The following SNCAIP variants were observed in gnomAD, a reference collection of about 807,000 sequenced individuals.
SNCAIP encodes synuclein alpha interacting protein.
SNCAIP carries 43 observed loss-of-function variants against 86.7 expected under a neutral mutation model. The ratio of observed to expected loss-of-function variants is 0.50; its 90% CI spans 0.39 to 0.64. The LOEUF is 0.64. Ranked by LOEUF, SNCAIP falls within the 30% of genes least tolerant of loss-of-function variation. SNCAIP has a pLI of 0.00. For missense variants in SNCAIP, 981 were observed against 1,103.1 expected, an observed-to-expected ratio of 0.89 and a Z score of 1.57; for synonymous variants, 417 against 427.2, an observed-to-expected ratio of 0.98 and a Z score of 0.29.
chr5:122,429,556 C>T (rs559188438), intron 5 of SNCAIP, among the ~76,000 whole-genome samples: 1 of 151,538 alleles, frequency 6.6e-6, no homozygotes, highest in Non-Finnish European at 1.5e-5. Flanking sequence ...TTGCTTAAAC[C>T]GTCTTGCCTA....
At chr5:122,321,729 G>C (rs1007623681) in intron 1 of SNCAIP, 6 of 152,178 alleles carry the variant, frequency 3.9e-5, no homozygotes, top group African/African-American at 9.7e-5. Flanking sequence ...CCCCATCGCA[G>C]GGGCTCCTGT....
intron 1 of SNCAIP, among the ~76,000 whole-genome samples, chr5:122,383,986 C>A (rs1361702498): frequency 6.6e-6 from 1 of 152,182 alleles, no homozygotes; most frequent in Admixed American, 6.5e-5. Flanking sequence ...AGTCTATACA[C>A]GTTTTGTTAA....
chr5:122,448,604 TATATATATTTTTATATATATA>T (rs1561796137), intron 8 of SNCAIP, among the ~76,000 whole-genome samples: 3 of 140,732 alleles, frequency 2.1e-5, no homozygotes, highest in Non-Finnish European at 4.6e-5. Flanking sequence ...TTATATATAT[TATATATATTTTTATATATATA>T]ATATATATTA....
intron 6 of SNCAIP, among the ~76,000 whole-genome samples, chr5:122,433,597 G>C (rs1362673397): frequency 6.6e-6 from 1 of 152,122 alleles, no homozygotes; most frequent in East Asian, 1.9e-4. Flanking sequence ...AATGGAGAAA[G>C]GAGCAGGCCC....
chr5:122,428,710 A>G (rs539798727), intron 5 of SNCAIP, among the ~76,000 whole-genome samples: 124 of 152,110 alleles, frequency 8.2e-4, no homozygotes, highest in African/African-American at 2.6e-3. Flanking sequence ...CGTCATTTAC[A>G]TTAGGTATTT....
chr5:122,394,635 A>G (rs1385766544), intron 2 of SNCAIP, among the ~76,000 whole-genome samples: 1 of 152,170 alleles, frequency 6.6e-6, no homozygotes, highest in Non-Finnish European at 1.5e-5. Flanking sequence ...CCAGATCCCT[A>G]TGTCTTAAAA....
At chr5:122,384,075 C>T (rs1221958426) in intron 1 of SNCAIP, among the ~76,000 whole-genome samples, 1 of 152,142 alleles carries the variant, frequency 6.6e-6, no homozygotes, top group Non-Finnish European at 1.5e-5. Context: ...GAGTTAGGTT[C>T]ATGAACATCC....
rs1177537232 is a variant in SNCAIP, at chr5:122,423,244, C to A, written c.507C>A (p.Thr169=). 7 of 1,614,034 alleles carry A rather than the reference C, an allele frequency of 4.3e-6. No homozygotes were observed. Among genetic ancestry groups the A allele is most frequent in the Non-Finnish European group, 5.9e-6 (7 of 1,180,024 alleles). Residue 169 remains threonine, a synonymous_variant, in exon 4 of 11, where the codon ACC becomes ACA. Coordinates refer to ENST00000261368, the MANE Select transcript of SNCAIP (RefSeq NM_005460.4). ...CCAGTCAGCAGCTTGCCTCTTTTAC[C>A]AAGGTGACTTCAGAAAAAAGAATTT... The part of the protein sequence containing the change: ...IKSSQQLASF[T]KVTSEKRILG...
chr5:122,395,881 A>G (rs1770505259), intron 2 of SNCAIP, among the ~76,000 whole-genome samples: 1 of 152,154 alleles, frequency 6.6e-6, no homozygotes, highest in Non-Finnish European at 1.5e-5. Flanking sequence ...AATATATTGA[A>G]TAAGATGGAC....
chr5:122,384,117 G>A (rs1172392410), intron 1 of SNCAIP, among the ~76,000 whole-genome samples: 1 of 152,144 alleles, frequency 6.6e-6, no homozygotes, highest in African/African-American at 2.4e-5. Context: ...GGGATGTCTG[G>A]AATTCTGACC....
At chr5:122,390,237 C>T (rs1769059903) in intron 1 of SNCAIP, among the ~76,000 whole-genome samples, 1 of 152,160 alleles carries the variant, frequency 6.6e-6, no homozygotes, top group South Asian at 2.1e-4. Flanking sequence ...GTTGGCGCTG[C>T]AGAAGATAAC....
chr5:122,411,053 C>T (rs777010882), intron 3 of SNCAIP, among the ~76,000 whole-genome samples: 1 of 152,178 alleles, frequency 6.6e-6, no homozygotes, highest in Non-Finnish European at 1.5e-5. Flanking sequence ...TCACAGTCTT[C>T]TCTCCTGTGT....
chr5:122,387,335 T>G (rs1768374555), intron 1 of SNCAIP, among the ~76,000 whole-genome samples: 1 of 152,030 alleles, frequency 6.6e-6, no homozygotes, highest in African/African-American at 2.4e-5. Flanking sequence ...ATGTTTTGCA[T>G]TTTTAGTAGA....
At chr5:122,379,614 T>G (rs1173007762) in intron 1 of SNCAIP, among the ~76,000 whole-genome samples, 2 of 151,348 alleles carry the variant, frequency 1.3e-5, no homozygotes, top group African/African-American at 4.9e-5. Context: ...CCCTGTCTTG[T>G]GCCAGTTTTC....
intron 1 of SNCAIP, among the ~76,000 whole-genome samples, chr5:122,320,440 T>A (rs1752682957): frequency 6.6e-6 from 1 of 152,158 alleles, no homozygotes; most frequent in Non-Finnish European, 1.5e-5. Flanking sequence ...GGTCCTGAGC[T>A]CATGGTATTT....
intron 3 of SNCAIP, among the ~76,000 whole-genome samples, chr5:122,412,605 C>A (rs73287545): frequency 6.6e-6 from 1 of 152,154 alleles, no homozygotes. Flanking sequence ...ATAGGACCCT[C>A]CCTCTGCCCT....
In SNCAIP at chr5:122,451,112, C is replaced by T. The variant is rs749118715; in HGVS notation, c.2265C>T (p.Ser755=). The T allele has an allele frequency of 2.9e-5, 47 of 1,614,114 alleles. No individual in the cohort carries two copies. The highest frequency in any genetic ancestry group is 2.6e-4 in the South Asian group (24 of 91,072). ...GCCCATCTCCCACCTCAGAGAGCAG[C>T]GAACCAGACTTAGAATCCCAGTATC... The part of the protein sequence containing the change: ...GHSPSPTSES[S]EPDLESQYPG... Residue 755 remains serine (S), a synonymous_variant, in exon 10 of 11, where the codon AGC becomes AGT. Transcript: ENST00000261368.
intron 10 of SNCAIP, among the ~76,000 whole-genome samples, chr5:122,461,099 C>G (rs999508256): frequency 1.3e-5 from 2 of 152,156 alleles, no homozygotes; most frequent in African/African-American, 4.8e-5. Context: ...CTGAAAATAT[C>G]TTCAATTTAC....
chr5:122,358,203 G>A (rs6865262), intron 1 of SNCAIP, among the ~76,000 whole-genome samples: 91,810 of 130,204 alleles, frequency 0.71, 32,307 homozygotes, highest in Admixed American at 0.78. Context: ...GTGTGTGTGT[G>A]TATATATATA....
Sources: allele counts gnomAD v4.1 joint callset (sites outside exome capture counted in the v4.1 genomes callset), GRCh38; gene constraint gnomAD v4.1.1; transcripts MANE v1.5; gene names NCBI Gene and HGNC (gene_info 2026-07-23, HGNC 2026-07-21).